SYN2: variants seen among roughly 807,000 people sequenced by gnomAD.
SYN2 encodes the protein synapsin-2.
SYN2 carries 19 observed loss-of-function variants against 50.9 expected under a neutral mutation model. That is an observed-to-expected ratio of 0.37 (90% CI 0.26 to 0.55). SYN2 has a LOEUF of 0.55. Ranked by LOEUF, SYN2 falls within the 20% of genes least tolerant of loss-of-function variation. The pLI, the probability that SYN2 is intolerant of heterozygous loss-of-function variation, is 0.81. For missense variants in SYN2, 587 were observed against 576.4 expected (o/e 1.02, Z -0.19); for synonymous variants, 255 against 224.9 (o/e 1.13, Z -1.20).
chr3:12,161,637 G>C, intron 6 of SYN2, 29 bp downstream of exon 6: 1 of 1,613,604 alleles, frequency 6.2e-7, no homozygotes, highest in African/African-American at 1.3e-5. Flanking sequence ...CTGTGCTTCA[G>C]GGTTGAACCA....
intron 1 of SYN2, among the ~76,000 whole-genome samples, chr3:12,132,025 CTTTTTTTTCTTTTTTTTTCTTTTTT>C (rs1198807424): frequency 7.1e-6 from 1 of 140,652 alleles, no homozygotes; most frequent in Non-Finnish European, 1.5e-5. Context: ...TTTTCTTTTT[CTTTTTTTTCTTTTTTTTTCTTTTTT>C]TTTTTGAGAC....
chr3:12,125,993 GA>G (rs1221385272), intron 1 of SYN2, among the ~76,000 whole-genome samples: 2 of 152,194 alleles, frequency 1.3e-5, no homozygotes, highest in Non-Finnish European at 2.9e-5. Context: ...ATGAATGACA[GA>G]GACAGACTAG....
In SYN2 at chr3:12,151,432, A is replaced by G. The variant is rs2125225137; in HGVS notation, c.774+106A>G. On this transcript the variant is annotated intron_variant, in intron 5 of 12. Coordinates refer to ENST00000621198, the MANE Select transcript of SYN2 (RefSeq NM_133625.6). ...AAGGGCCTCAGCATCTCAACCCCAA[A>G]GACTCCACTGGGGTTGAACTATAGA... 4 of 826,644 alleles carry G rather than the reference A, an allele frequency of 4.8e-6. No homozygotes were observed. The South Asian group carries it at 5.9e-5, about 12-fold the overall frequency. The allele number at this position is 826,644 out of a possible 1,614,324, so 51.2% of individuals were successfully genotyped here.
chr3:12,171,058 GGGCTAATAAATGT>G (rs1335182898), intron 10 of SYN2, among the ~76,000 whole-genome samples: 26 of 152,254 alleles, frequency 1.7e-4, no homozygotes, highest in African/African-American at 6.3e-4. Context: ...GGGAACTTCT[GGGCTAATAAATGT>G]GGACCCTGAC....
intron 1 of SYN2, among the ~76,000 whole-genome samples, chr3:12,055,263 A>G (rs1419603652): frequency 2.0e-5 from 3 of 152,180 alleles, no homozygotes; most frequent in African/African-American, 7.2e-5. Context: ...TGAAAATTTG[A>G]AAACACCACT....
intron 1 of SYN2, among the ~76,000 whole-genome samples, chr3:12,094,911 G>A (rs2125184256): frequency 6.6e-6 from 1 of 152,248 alleles, no homozygotes; most frequent in African/African-American, 2.4e-5. Flanking sequence ...ATGTTGAATA[G>A]GCAACTGAAT....
chr3:12,011,396 G>A (rs1693908855), intron 1 of SYN2, among the ~76,000 whole-genome samples: 1 of 152,184 alleles, frequency 6.6e-6, no homozygotes, highest in African/African-American at 2.4e-5. Flanking sequence ...CAATACAGCA[G>A]GAAGACGTAG....
intron 1 of SYN2, among the ~76,000 whole-genome samples, chr3:12,026,382 A>G (rs988746538): frequency 6.6e-6 from 1 of 152,164 alleles, no homozygotes; most frequent in Non-Finnish European, 1.5e-5. Context: ...AACTGAAATG[A>G]GCAAAATTTC....
chr3:12,020,332 GC>G lies in SYN2; in HGVS notation c.377+15410del, dbSNP rs1301287515. 3.2e-5 allele frequency among the ~76,000 whole-genome samples: 4 copies of G among 124,310 alleles called. No homozygotes were observed. In the East Asian group the frequency reaches 7.0e-4, roughly 22 times the overall value. The allele number at this position is 124,310 out of a possible 152,430, so 81.6% of individuals were successfully genotyped here. ...TCCTGTCCTCTTCCCCCCCACCCTG[GC>G]CCCCCACATAATTAGTCCCTCTTGC... On this transcript the variant is annotated intron_variant, in intron 1 of 12. Coordinates refer to ENST00000621198, the MANE Select transcript of SYN2 (RefSeq NM_133625.6).
chr3:12,072,428 T>C (rs1339629255), intron 1 of SYN2, among the ~76,000 whole-genome samples: 1 of 152,218 alleles, frequency 6.6e-6, no homozygotes, highest in East Asian at 1.9e-4. Context: ...TATGGCTATA[T>C]TTTCTTTTCA....
chr3:12,127,410 G>A (rs160214), intron 1 of SYN2, among the ~76,000 whole-genome samples: 1 of 152,068 alleles, frequency 6.6e-6, no homozygotes, highest in Admixed American at 6.6e-5. Context: ...TCAACTTTCT[G>A]TCTTTAAGCC....
intron 1 of SYN2, among the ~76,000 whole-genome samples, chr3:12,074,495 A>C (rs1467773548): frequency 6.6e-6 from 1 of 152,188 alleles, no homozygotes; most frequent in Admixed American, 6.5e-5. Flanking sequence ...AATACTCTTA[A>C]AATTTTAAAG....
At chr3:12,174,897 A>G (rs749837563) in intron 10 of SYN2, among the ~76,000 whole-genome samples, 2 of 152,088 alleles carry the variant, frequency 1.3e-5, no homozygotes, top group South Asian at 2.1e-4. Context: ...AGCACTCACT[A>G]TCAGTTGAGA....
intron 1 of SYN2, among the ~76,000 whole-genome samples, chr3:12,105,172 T>C (rs979586880): frequency 6.6e-6 from 1 of 152,106 alleles, no homozygotes; most frequent in African/African-American, 2.4e-5. Context: ...ATTAGAAGAA[T>C]GTCAACTCAT....
At chr3:12,098,421 G>A (rs921703095) in intron 1 of SYN2, among the ~76,000 whole-genome samples, 1 of 152,132 alleles carries the variant, frequency 6.6e-6, no homozygotes, top group Non-Finnish European at 1.5e-5. Flanking sequence ...TAGCACAAAG[G>A]ATGTAGGGTG....
At chr3:12,067,002 T>C (rs979416967) in intron 1 of SYN2, among the ~76,000 whole-genome samples, 18 of 152,050 alleles carry the variant, frequency 1.2e-4, no homozygotes, top group African/African-American at 4.1e-4. Flanking sequence ...AAAAGCCCCT[T>C]ATATAAACTA....
At chr3:12,184,800 C>A in intron 11 of SYN2, 1 of 985,904 alleles carries the variant, frequency 1.0e-6, no homozygotes, top group South Asian at 4.7e-5. Flanking sequence ...TGCCATCTCC[C>A]GGCCAGGCTG....
In SYN2 at chr3:12,184,486, G is replaced by A. The variant is rs1057471504; in HGVS notation, c.1369+1114G>A. ...TGGCCTCTCCTGAGGCCTCATAATGGGAGACCAAATCAAAAATGTCCCATG... is the reference window on the plus strand; with the variant it reads ...TGGCCTCTCCTGAGGCCTCATAATGAGAGACCAAATCAAAAATGTCCCATG... On this transcript the variant is annotated intron_variant, in intron 11 of 12. Coordinates refer to ENST00000621198, the MANE Select transcript of SYN2 (RefSeq NM_133625.6). The A allele has an allele frequency of 1.0e-5, 10 of 985,700 alleles. No individual in the cohort carries two copies. In the African/African-American group the frequency reaches 1.6e-4, roughly 16 times the overall value. 61.1% of individuals were successfully genotyped at this position (985,700 alleles called of 1,614,324 possible). A position where few individuals can be genotyped will look rare whatever the true frequency, so the allele number is the denominator to read the frequency against.
At chr3:12,072,620 G>A (rs2125169343) in intron 1 of SYN2, among the ~76,000 whole-genome samples, 1 of 152,256 alleles carries the variant, frequency 6.6e-6, no homozygotes, top group East Asian at 1.9e-4. Context: ...CTCACCAAAA[G>A]TAAATTGACC....
Sources: allele counts gnomAD v4.1 joint callset (sites outside exome capture counted in the v4.1 genomes callset), GRCh38; gene constraint gnomAD v4.1.1; transcripts MANE v1.5; gene names NCBI Gene and HGNC (gene_info 2026-07-23, HGNC 2026-07-21).